The following ADGRL3 variants were observed in gnomAD, a reference collection of about 807,000 sequenced individuals.
ADGRL3 encodes calcium-independent alpha-latrotoxin receptor 3.
Under a neutral mutation model 153.5 loss-of-function variants are expected in ADGRL3, and 62 were observed. That is an observed-to-expected ratio of 0.40 (90% CI 0.33 to 0.50). ADGRL3 has a LOEUF of 0.50. ADGRL3 is among the 20% of genes least tolerant of loss of function. The pLI, the probability that ADGRL3 is intolerant of heterozygous loss-of-function variation, is 0.47. For missense variants in ADGRL3, 1,641 were observed against 1,859.4 expected (o/e 0.88, Z 2.16); for synonymous variants, 710 against 672.5 (o/e 1.06, Z -0.86).
intron 13 of ADGRL3, among the ~76,000 whole-genome samples, chr4:61,925,707 G>C (rs1195772186): frequency 6.6e-6 from 1 of 152,080 alleles, no homozygotes; most frequent in African/African-American, 2.4e-5. Flanking sequence ...ACTATAGTGA[G>C]GACAATACCA....
intron 17 of ADGRL3, among the ~76,000 whole-genome samples, chr4:61,965,052 G>A (rs2099001007): frequency 1.3e-5 from 2 of 152,026 alleles, no homozygotes; most frequent in Admixed American, 1.3e-4. Flanking sequence ...TCAGGCCGGA[G>A]TGCAGTGGCA....
chr4:61,735,668 A>G lies in ADGRL3; in HGVS notation c.1399+2114A>G, dbSNP rs148355917. ...TAACTGGAACAAGAAATGATTTCTA[A>G]TATCTCAAAGGAATAATAAATAATA... On this transcript the variant is annotated intron_variant, in intron 8 of 26. Coordinates refer to ENST00000683033, the MANE Select transcript of ADGRL3 (RefSeq NM_001387552.1). Among the ~76,000 whole-genome samples the G allele has an allele frequency of 1.3e-3, 196 of 152,326 alleles. 1 individual carries two copies. The highest frequency in any genetic ancestry group is 2.2e-3 in the Non-Finnish European group (147 of 68,020).
intron 6 of ADGRL3, among the ~76,000 whole-genome samples, chr4:61,700,524 T>C (rs2095736995): frequency 6.6e-6 from 1 of 152,158 alleles, no homozygotes; most frequent in South Asian, 2.1e-4. Context: ...AGCAGATGAA[T>C]GCCGTACTAT....
chr4:61,589,526 T>G (rs948511848), intron 5 of ADGRL3, among the ~76,000 whole-genome samples: 2 of 152,132 alleles, frequency 1.3e-5, no homozygotes, highest in Non-Finnish European at 2.9e-5. Context: ...GCATTTAAAC[T>G]GAAATCATAA....
intron 1 of ADGRL3, among the ~76,000 whole-genome samples, chr4:61,288,957 C>G (rs959246291): frequency 1.3e-5 from 2 of 151,900 alleles, no homozygotes; most frequent in Non-Finnish European, 2.9e-5. Flanking sequence ...CGTTCAGAAA[C>G]AGGATGGGTC....
intron 7 of ADGRL3, among the ~76,000 whole-genome samples, chr4:61,730,892 A>C (rs1373472525): frequency 2.0e-5 from 3 of 151,770 alleles, no homozygotes; most frequent in Admixed American, 2.0e-4. Context: ...TAGAAATCCA[A>C]CTCATGGTGA....
At chr4:61,886,963 T>C (rs2098543097) in intron 9 of ADGRL3, among the ~76,000 whole-genome samples, 1 of 151,898 alleles carries the variant, frequency 6.6e-6, no homozygotes, top group South Asian at 2.1e-4. Context: ...GCCTATTTTA[T>C]TACTGATATC....
chr4:61,483,579 A>T (rs1348614170), intron 2 of ADGRL3, among the ~76,000 whole-genome samples: 1 of 151,944 alleles, frequency 6.6e-6, no homozygotes, highest in Non-Finnish European at 1.5e-5. Flanking sequence ...CTCTACTAAA[A>T]ATACAAAATT....
chr4:61,941,215 C>G (rs1292751986), intron 15 of ADGRL3, among the ~76,000 whole-genome samples: 90 of 115,402 alleles, frequency 7.8e-4, no homozygotes, highest in Middle Eastern at 4.0e-3. Context: ...TTGTTTTTCT[C>G]AGGTTTGTGA....
At chr4:61,303,270 G>A (rs2094643493) in intron 1 of ADGRL3, among the ~76,000 whole-genome samples, 1 of 152,164 alleles carries the variant, frequency 6.6e-6, no homozygotes, top group African/African-American at 2.4e-5. Flanking sequence ...GTGGTTTTCA[G>A]TGGGCAAATC....
chr4:61,520,458 T>G (rs559677614), intron 4 of ADGRL3, among the ~76,000 whole-genome samples: 70 of 152,250 alleles, frequency 4.6e-4, no homozygotes, highest in African/African-American at 1.6e-3. Context: ...ACAAAACATC[T>G]GAAAAACTCT....
intron 4 of ADGRL3, among the ~76,000 whole-genome samples, chr4:61,520,913 T>C (rs335315): frequency 0.76 from 114,501 of 151,264 alleles, 43,684 homozygotes; most frequent in East Asian, 0.94. Context: ...GCCTGAATTG[T>C]GCACCACTCC....
At chr4:61,565,177 T>C (rs1357775901) in intron 4 of ADGRL3, among the ~76,000 whole-genome samples, 2 of 152,132 alleles carry the variant, frequency 1.3e-5, no homozygotes, top group Admixed American at 6.5e-5. Context: ...ATCTGGGAAG[T>C]GCAATGAAGC....
At position 61,948,108 on chromosome 4, in the gene ADGRL3, G is replaced by A; in HGVS notation, c.2637G>A (p.Glu879=). ...VFTVKHIKQS[E]ENFNPNCSFW... is the part of the protein sequence containing the mutation. ...TTTTTTTTCCCCTGTAGCAGTCAGA[G>A]GAAAATTTCAACCCTAACTGTTCAT... Residue 879 remains glutamate (E), a synonymous_variant, in exon 17 of 27, where the codon GAG becomes GAA. Transcript: ENST00000683033. 1 of 1,610,524 alleles carries A rather than the reference G, an allele frequency of 6.2e-7. No individual in the cohort carries two copies. The highest frequency in any genetic ancestry group is 8.5e-7 in the Non-Finnish European group (1 of 1,177,830).
intron 9 of ADGRL3, among the ~76,000 whole-genome samples, chr4:61,882,285 G>C (rs1581276849): frequency 1.3e-5 from 2 of 151,930 alleles, no homozygotes; most frequent in Non-Finnish European, 2.9e-5. Context: ...ATGACTGAAG[G>C]GCTACCATGT....
chr4:61,726,890 A>G (rs888094186), intron 6 of ADGRL3, among the ~76,000 whole-genome samples: 1 of 152,102 alleles, frequency 6.6e-6, no homozygotes, highest in Non-Finnish European at 1.5e-5. Context: ...GTGTTCTATG[A>G]TTTTTATAGT....
Position 62,073,881 on chromosome 4 carries a change from G to T in ADGRL3, c.*2973G>T, listed in dbSNP as rs1357326048. The stretch of plus-strand genomic sequence containing the variant: ...AAGATCCCAAAGATTATAACAGAGA[G>T]AAATTTCCCCTGCAAGTATTATGTA... On this transcript the variant is annotated 3_prime_UTR_variant, in exon 27 of 27. Transcript: ENST00000683033. 6.6e-6 allele frequency: 1 copy of T among 151,870 alleles called. No individual in the cohort carries two copies. The highest frequency in any genetic ancestry group is 2.4e-5 in the African/African-American group (1 of 41,340). 9.4% of individuals were successfully genotyped at this position (151,870 alleles called of 1,614,324 possible).
chr4:61,336,698 T>C (rs1185842991), intron 1 of ADGRL3, among the ~76,000 whole-genome samples: 1 of 152,028 alleles, frequency 6.6e-6, no homozygotes, highest in African/African-American at 2.4e-5. Flanking sequence ...CTTTGTGTAA[T>C]AATCTGCCAA....
chr4:61,238,187 G>T (rs970909001), intron 1 of ADGRL3, among the ~76,000 whole-genome samples: 1 of 152,102 alleles, frequency 6.6e-6, no homozygotes, highest in Non-Finnish European at 1.5e-5. Context: ...ACTAAGTACT[G>T]CAGCAAATAG....
Sources: gnomAD v4.1 joint callset for allele counts (sites outside exome capture counted in the v4.1 genomes callset) on GRCh38, gnomAD v4.1.1 for gene constraint, MANE v1.5 for transcripts, NCBI Gene and HGNC (gene_info 2026-07-23, HGNC 2026-07-21) for gene names.